SGK1: variants seen among roughly 807,000 people sequenced by gnomAD.
The protein encoded by SGK1 is serine/threonine-protein kinase Sgk1.
SGK1 carries 26 observed loss-of-function variants against 64.2 expected under a neutral mutation model. The observed-to-expected ratio is 0.40, with a 90% confidence interval of 0.30 to 0.56. The LOEUF (loss-of-function observed/expected upper bound fraction) is 0.56, where lower values mean the gene tolerates loss of function less well. Ranked by LOEUF, SGK1 falls within the 20% of genes least tolerant of loss-of-function variation. The pLI, the probability that SGK1 is intolerant of heterozygous loss-of-function variation, is 0.38. For synonymous variants in SGK1, 265 were observed against 239.7 expected, an observed-to-expected ratio of 1.11 and a Z score of -0.98; for missense variants, 519 against 645.6, an observed-to-expected ratio of 0.80 and a Z score of 2.12.
chr6:134,197,099 A>G (rs1200406621), intron 3 of SGK1, among the ~76,000 whole-genome samples: 3 of 151,918 alleles, frequency 2.0e-5, no homozygotes, highest in Non-Finnish European at 4.4e-5. Context: ...TGGGCGTGGT[A>G]GCTTATGCCT....
At chr6:134,179,625 A>T (rs1424839630) in intron 3 of SGK1, among the ~76,000 whole-genome samples, 1 of 151,454 alleles carries the variant, frequency 6.6e-6, no homozygotes, top group African/African-American at 2.4e-5. Context: ...TATAGTAATT[A>T]TTACCTTCCA....
At chr6:134,228,363 C>T (rs1776221001) in intron 2 of SGK1, among the ~76,000 whole-genome samples, 1 of 152,052 alleles carries the variant, frequency 6.6e-6, no homozygotes, top group Non-Finnish European at 1.5e-5. Flanking sequence ...AAATAGGAAA[C>T]CTTTCCACAA....
chr6:134,222,628 A>C (rs1313564402), intron 2 of SGK1, among the ~76,000 whole-genome samples: 4 of 152,036 alleles, frequency 2.6e-5, no homozygotes, highest in Admixed American at 6.6e-5. Context: ...GAGCCACCAC[A>C]CCTGGCTTTA....
At chr6:134,254,983 C>G (rs928019417) in intron 2 of SGK1, among the ~76,000 whole-genome samples, 1 of 152,118 alleles carries the variant, frequency 6.6e-6, no homozygotes, top group Non-Finnish European at 1.5e-5. Context: ...ATTCTCCAGC[C>G]TCAACCTCCC....
intron 2 of SGK1, among the ~76,000 whole-genome samples, chr6:134,211,878 A>AG (rs1491171322): frequency 1.1e-4 from 7 of 63,960 alleles, no homozygotes; most frequent in Admixed American, 9.3e-4. Context: ...GTCTACAAGG[A>AG]AAAAAAAAAA....
intron 1 of SGK1, among the ~76,000 whole-genome samples, chr6:134,286,478 A>ATTTTTT (rs1267281237): frequency 7.8e-6 from 1 of 128,470 alleles, no homozygotes; most frequent in African/African-American, 2.9e-5. Flanking sequence ...AAAATACAAT[A>ATTTTTT]TTTTTTTTTT....
Position 134,305,195 on chromosome 6 carries a change from C to G in SGK1, c.69+12197G>C, listed in dbSNP as rs559420047. On this transcript the variant is annotated intron_variant, in intron 1 of 13. Coordinates refer to ENST00000367858, the MANE Select transcript of SGK1 (RefSeq NM_001143676.3). The stretch of plus-strand genomic sequence containing the variant: ...CAACATGGTGAAACCCCCATCTCCA[C>G]TAAAAATACAAAAATTAGCTGGGCA... Among the ~76,000 whole-genome samples, 550 of 151,974 alleles carry G rather than the reference C, an allele frequency of 3.6e-3. 8 individuals are homozygous for G. The highest frequency in any genetic ancestry group is 0.012 in the African/African-American group (512 of 41,442).
At chr6:134,183,825 A>T (rs1428513859) in intron 3 of SGK1, among the ~76,000 whole-genome samples, 1 of 151,704 alleles carries the variant, frequency 6.6e-6, no homozygotes, top group Non-Finnish European at 1.5e-5. Flanking sequence ...CACCCAGCTG[A>T]TCCTTTAGAA....
intron 1 of SGK1, among the ~76,000 whole-genome samples, chr6:134,305,732 C>T (rs1048107402): frequency 3.3e-5 from 5 of 152,000 alleles, no homozygotes; most frequent in African/African-American, 9.7e-5. Flanking sequence ...CTGCAGCCTC[C>T]ACCTCCTGGA....
chr6:134,170,930 C>A lies in SGK1; in HGVS notation c.1324-15G>T. ...TTAATCTCCATCTGTTGATAAGAAACCCAAGATTAATTTAGACAGGTGCAT... is the reference window on the plus strand; with the variant it reads ...TTAATCTCCATCTGTTGATAAGAAAACCAAGATTAATTTAGACAGGTGCAT... On this transcript the variant is annotated splice_polypyrimidine_tract_variant and intron_variant, in intron 12 of 13. Coordinates refer to ENST00000367858, the MANE Select transcript of SGK1 (RefSeq NM_001143676.3). 1 of 1,609,098 alleles carries A rather than the reference C, an allele frequency of 6.2e-7. No homozygotes were observed. The highest frequency in any genetic ancestry group is 8.5e-7 in the Non-Finnish European group (1 of 1,175,668).
chr6:134,245,745 C>T (rs1241323201), intron 2 of SGK1, among the ~76,000 whole-genome samples: 1 of 152,106 alleles, frequency 6.6e-6, no homozygotes, highest in Non-Finnish European at 1.5e-5. Flanking sequence ...AATCCCAGAA[C>T]TTTGGGAGGT....
chr6:134,302,877 C>T (rs1360445359), intron 1 of SGK1, among the ~76,000 whole-genome samples: 2 of 151,970 alleles, frequency 1.3e-5, no homozygotes, highest in African/African-American at 4.8e-5. Context: ...GCCTCAGCCT[C>T]CCCACTAGCT....
In SGK1 at chr6:134,304,746, G is replaced by GA. The variant is rs371086894; in HGVS notation, c.69+12645dup. ...GAGAAAGAAAAGGAAAGAACAAAGA[G>GA]AAAAAAAAACAAGGCAGTTTACAAT... On this transcript the variant is annotated intron_variant, in intron 1 of 13. Transcript: ENST00000367858. Among the ~76,000 whole-genome samples the GA allele has an allele frequency of 1.6e-4, 24 of 147,800 alleles. No individual in the cohort carries two copies. In the East Asian group the frequency reaches 2.6e-3, roughly 16 times the overall value.
At chr6:134,314,563 A>G (rs1305477036) in intron 1 of SGK1, among the ~76,000 whole-genome samples, 2 of 152,212 alleles carry the variant, frequency 1.3e-5, no homozygotes, top group East Asian at 3.8e-4. Context: ...TTCTTACCTT[A>G]TAGGGTTACT....
At chr6:134,206,652 A>T (rs1281007455) in intron 3 of SGK1, among the ~76,000 whole-genome samples, 2 of 151,146 alleles carry the variant, frequency 1.3e-5, no homozygotes, top group African/African-American at 4.9e-5. Flanking sequence ...AGATTGCCTG[A>T]GGTCAGGAGT....
rs543896423 is a variant in SGK1, at chr6:134,174,908, G to C, written c.362-322C>G. 1,453 of 1,569,698 alleles carry C rather than the reference G, an allele frequency of 9.3e-4. 2 individuals are homozygous for C. The highest frequency in any genetic ancestry group is 1.2e-3 in the Non-Finnish European group (1,398 of 1,161,712). On this transcript the variant is annotated intron_variant, in intron 3 of 13. Coordinates refer to ENST00000367858, the MANE Select transcript of SGK1 (RefSeq NM_001143676.3). ...GGCCTTATAAAAAAGGCACCGCCGC[G>C]GGGGCGGGGCCTGCGCGACAGTGAG...
At chr6:134,196,794 T>C (rs1309547738) in intron 3 of SGK1, among the ~76,000 whole-genome samples, 1 of 152,184 alleles carries the variant, frequency 6.6e-6, no homozygotes, top group Non-Finnish European at 1.5e-5. Flanking sequence ...ACAGAGTGAG[T>C]GGGTCTCTTT....
chr6:134,277,548 G>GT (rs1777035442), intron 1 of SGK1, among the ~76,000 whole-genome samples: 1 of 152,050 alleles, frequency 6.6e-6, no homozygotes, highest in African/African-American at 2.4e-5. Flanking sequence ...GCAGACCTGG[G>GT]TTTTTTGGGC....
chr6:134,297,290 C>A (rs867007674), intron 1 of SGK1: 1 of 1,280,518 alleles, frequency 7.8e-7, no homozygotes, highest in Non-Finnish European at 1.1e-6. Context: ...GCTTGACGTT[C>A]ATCAGCTCCT....
Sources: allele counts gnomAD v4.1 joint callset (sites outside exome capture counted in the v4.1 genomes callset), GRCh38; gene constraint gnomAD v4.1.1; transcripts MANE v1.5; gene names NCBI Gene and HGNC (gene_info 2026-07-23, HGNC 2026-07-21).